ANO4: variants seen among roughly 807,000 people sequenced by gnomAD.
ANO4 encodes anoctamin 4.
ANO4 carries 69 observed loss-of-function variants against 141.9 expected under a neutral mutation model. The ratio of observed to expected loss-of-function variants is 0.49; its 90% confidence interval spans 0.40 to 0.59. ANO4 has a LOEUF of 0.59. Among genes scored for constraint, ANO4 ranks in the 20% least tolerant of loss-of-function variants. The pLI is 0.00. For missense variants in ANO4, 894 were observed against 1,162.2 expected (o/e 0.77, Z 3.36); for synonymous variants, 350 against 394.3 (o/e 0.89, Z 1.33).
chr12:100,973,552 C>T (rs947520092), intron 6 of ANO4, among the ~76,000 whole-genome samples: 1 of 152,030 alleles, frequency 6.6e-6, no homozygotes, highest in African/African-American at 2.4e-5. Context: ...ACTAATAGAC[C>T]TTACTTTTTA....
chr12:101,126,377 T>C (rs2051314464), intron 26 of ANO4, among the ~76,000 whole-genome samples: 1 of 150,654 alleles, frequency 6.6e-6, no homozygotes, highest in Non-Finnish European at 1.5e-5. Flanking sequence ...GAAAAAAGCT[T>C]CTTCCTGAAA....
At chr12:100,954,197 C>A (rs1448808697) in intron 5 of ANO4, among the ~76,000 whole-genome samples, 1 of 152,086 alleles carries the variant, frequency 6.6e-6, no homozygotes, top group African/African-American at 2.4e-5. Context: ...TCTGTGTCCT[C>A]CAGGAATGAA....
chr12:100,720,350 A>G (rs1008091804), intron 1 of ANO4, among the ~76,000 whole-genome samples: 1 of 152,032 alleles, frequency 6.6e-6, no homozygotes, highest in Non-Finnish European at 1.5e-5. Context: ...AGAGAACTAA[A>G]TGAAGAAAAG....
At chr12:100,936,648 A>G (rs1235401210) in intron 3 of ANO4, among the ~76,000 whole-genome samples, 2 of 152,052 alleles carry the variant, frequency 1.3e-5, no homozygotes, top group Admixed American at 6.6e-5. Flanking sequence ...TTCCCCCTTT[A>G]TCTCACACCC....
chr12:100,984,160 G>A lies in ANO4; in HGVS notation c.603-3379G>A, dbSNP rs569229974. 7.9e-5 allele frequency among the ~76,000 whole-genome samples: 12 copies of A among 152,142 alleles called. 1 individual carries two copies. Among genetic ancestry groups the A allele is most frequent in the Admixed American group, 4.6e-4 (7 of 15,278 alleles). ...CTCCCAGGCTGAAGTACAATGGTGC[G>A]ATCTCGGCTCACTGCAACCTCTACC... On this transcript the variant is annotated intron_variant, in intron 7 of 27. Transcript: ENST00000392977.
At chr12:100,986,267 G>A (rs992040634) in intron 7 of ANO4, among the ~76,000 whole-genome samples, 1 of 152,292 alleles carries the variant, frequency 6.6e-6, no homozygotes, top group East Asian at 1.9e-4. Flanking sequence ...ACCTGATGGT[G>A]TAAGTCCCAT....
At chr12:100,919,732 G>GTATCTATCTATCTATCTATC (rs763584121) in intron 2 of ANO4, among the ~76,000 whole-genome samples, 1 of 111,974 alleles carries the variant, frequency 8.9e-6, no homozygotes, top group Non-Finnish European at 2.0e-5. Flanking sequence ...ATGTGTGTAT[G>GTATCTATCTATCTATCTATC]TATGTATCTA....
intron 1 of ANO4, among the ~76,000 whole-genome samples, chr12:100,897,031 G>T (rs2136011561): frequency 1.3e-5 from 2 of 152,260 alleles, no homozygotes; most frequent in South Asian, 4.2e-4. Flanking sequence ...GGTGGTAAAT[G>T]GTGTGGCCAA....
At chr12:100,991,513 TAAAA>T (rs59975425) in intron 8 of ANO4, among the ~76,000 whole-genome samples, 1 of 111,174 alleles carries the variant, frequency 9.0e-6, no homozygotes, top group Non-Finnish European at 1.8e-5. Flanking sequence ...ATGAAAATAG[TAAAA>T]AAAAAAAAAA....
intron 3 of ANO4, among the ~76,000 whole-genome samples, chr12:100,751,141 G>A (rs1003895820): frequency 1.3e-4 from 20 of 152,178 alleles, no homozygotes; most frequent in African/African-American, 4.3e-4. Flanking sequence ...TGACCCTGGG[G>A]AATTCTCTTT....
chr12:101,101,809 G>A (rs181878551), intron 22 of ANO4, among the ~76,000 whole-genome samples: 13 of 152,186 alleles, frequency 8.5e-5, no homozygotes, highest in Admixed American at 3.9e-4. Context: ...TTGACCAGGC[G>A]TGGTGGCTCA....
At chr12:100,957,736 G>A (rs995909073) in intron 5 of ANO4, among the ~76,000 whole-genome samples, 8 of 152,130 alleles carry the variant, frequency 5.3e-5, no homozygotes, top group South Asian at 4.1e-4. Context: ...GATTACAGGC[G>A]TACACCGCCA....
At chr12:101,097,557 C>A in intron 19 of ANO4, 94 bp from the exon 20 acceptor site, 1 of 1,170,688 alleles carries the variant, frequency 8.5e-7, no homozygotes, top group Non-Finnish European at 1.3e-6. Context: ...TAGTAGCAGT[C>A]ATTCACATTG....
At chr12:100,758,204 C>A (rs538585395) in intron 3 of ANO4, among the ~76,000 whole-genome samples, 437 of 152,266 alleles carry the variant, frequency 2.9e-3, no homozygotes, top group Non-Finnish European at 4.7e-3. Context: ...GTCACCTGCC[C>A]GCGGTCTTGG....
At chr12:101,031,461 C>A (rs537864515) in intron 9 of ANO4, among the ~76,000 whole-genome samples, 1 of 152,004 alleles carries the variant, frequency 6.6e-6, no homozygotes, top group African/African-American at 2.4e-5. Context: ...TATGACAAAC[C>A]CACAGCCAAT....
chr12:100,888,818 A>T (rs7136973), intron 1 of ANO4, among the ~76,000 whole-genome samples: 1 of 151,984 alleles, frequency 6.6e-6, no homozygotes, highest in African/African-American at 2.4e-5. Flanking sequence ...TTGGAAATTC[A>T]TCCCTTTCAG....
intron 3 of ANO4, among the ~76,000 whole-genome samples, chr12:100,771,370 G>C (rs1245488015): frequency 6.6e-6 from 1 of 152,196 alleles, no homozygotes; most frequent in Admixed American, 6.5e-5. Context: ...TGAGCTGTCA[G>C]GTGTCAGGGT....
chr12:100,899,544 AT>A, intron 1 of ANO4, among the ~76,000 whole-genome samples: 1 of 152,260 alleles, frequency 6.6e-6, no homozygotes, highest in African/African-American at 2.4e-5. Context: ...TGCTGCCTAT[AT>A]TTGTTACAGT....
At chr12:100,748,811 G>A (rs2032230987) in intron 3 of ANO4, among the ~76,000 whole-genome samples, 2 of 151,838 alleles carry the variant, frequency 1.3e-5, no homozygotes, top group Admixed American at 6.6e-5. Flanking sequence ...TTAAAAAATG[G>A]GATGTCATCT....
Sources: gnomAD v4.1 joint callset for allele counts (sites outside exome capture counted in the v4.1 genomes callset) on GRCh38, gnomAD v4.1.1 for gene constraint, MANE v1.5 for transcripts, NCBI Gene and HGNC (gene_info 2026-07-23, HGNC 2026-07-21) for gene names.